CAST: variants seen among roughly 807,000 people sequenced by gnomAD.
CAST encodes MIR583 host.
A neutral mutation model predicts 119.6 loss-of-function variants in CAST; 76 were observed. That is an observed-to-expected ratio of 0.64 (90% CI 0.53 to 0.77). The LOEUF (loss-of-function observed/expected upper bound fraction) is 0.77. Ranked by LOEUF, CAST falls within the 30% of genes least tolerant of loss-of-function variation. The pLI, the probability that CAST is intolerant of heterozygous loss-of-function variation, is 0.00. For missense variants in CAST, 953 were observed against 946.5 expected (o/e 1.01, Z -0.09); for synonymous variants, 319 against 331.6 (o/e 0.96, Z 0.41).
At chr5:96,026,909 C>A in the CAST span, among the ~76,000 whole-genome samples, 105 of 152,236 alleles carry the variant, frequency 6.9e-4, no homozygotes, top group Non-Finnish European at 1.3e-3. Flanking sequence ...TCCTCTTACT[C>A]TTAAATTTGT....
At chr5:96,486,009 G>C in the CAST span, among the ~76,000 whole-genome samples, 1 of 152,100 alleles carries the variant, frequency 6.6e-6, no homozygotes, top group East Asian at 1.9e-4. Flanking sequence ...AGACCACAGC[G>C]GAGTGCCTCT....
chr5:96,049,889 C>CAAAAAAATAAAAAAAAAA, the CAST span, among the ~76,000 whole-genome samples: 1 of 34,188 alleles, frequency 2.9e-5, no homozygotes, highest in East Asian at 1.3e-3. Context: ...GAACAGGAGG[C>CAAAAAAATAAAAAAAAAA]AAAAAAAAAA....
At chr5:96,765,154 C>T (rs1468302715) in intron 25 of CAST, 67 bp from the exon 26 acceptor site, 2 of 890,744 alleles carry the variant, frequency 2.2e-6, no homozygotes, top group Non-Finnish European at 3.7e-6. Flanking sequence ...GATGGAGTTC[C>T]TGGGCTAATT....
chr5:96,648,654 A>G (rs1317666549), intron 1 of CAST, among the ~76,000 whole-genome samples: 2 of 152,200 alleles, frequency 1.3e-5, no homozygotes, highest in Non-Finnish European at 1.5e-5. Context: ...TACAATTGCT[A>G]CATTTATGAG....
At chr5:96,107,092 C>G in the CAST span, among the ~76,000 whole-genome samples, 59 of 148,314 alleles carry the variant, frequency 4.0e-4, no homozygotes, top group Middle Eastern at 6.9e-3. Context: ...CTTCCTCCAT[C>G]CTTTTATTTT....
At chr5:96,714,368 A>G (rs1173565186) in intron 3 of CAST, among the ~76,000 whole-genome samples, 1 of 152,202 alleles carries the variant, frequency 6.6e-6, no homozygotes, top group Non-Finnish European at 1.5e-5. Context: ...AAAGTATAGC[A>G]TATAATATTA....
At chr5:96,618,684 G>GT (rs1561432041) in intron 1 of CAST, among the ~76,000 whole-genome samples, 1 of 152,244 alleles carries the variant, frequency 6.6e-6, no homozygotes, top group Non-Finnish European at 1.5e-5. Flanking sequence ...TCCCCCAGCA[G>GT]TGCCGGCTCA....
At chr5:96,743,882 A>G (rs963992511) in intron 16 of CAST, 6 of 608,548 alleles carry the variant, frequency 9.9e-6, no homozygotes, top group African/African-American at 1.9e-5. Flanking sequence ...CAGGAGGCCA[A>G]GCTGAGTTGT....
At position 96,694,634 on chromosome 5, in the gene CAST, AAAACAAAC is replaced by A. The variant is rs539170383; in HGVS notation, c.139-1186_139-1179del. ...TGACAGAGCGAGACTCCATCTCAAAAAAACAAACAAACAAACAAACAAAAAAACTTTAT... is the reference window on the plus strand; with the variant it reads ...TGACAGAGCGAGACTCCATCTCAAAAAAACAAACAAACAAAAAAACTTTAT... On this transcript the variant is annotated intron_variant, in intron 2 of 31. Transcript: ENST00000675179. Among the ~76,000 whole-genome samples, 165 of 152,276 alleles carry A rather than the reference AAAACAAAC, an allele frequency of 1.1e-3. 1 individual carries two copies. The South Asian group carries it at 0.032, about 30-fold the overall frequency.
chr5:96,013,822 G>T, the CAST span, among the ~76,000 whole-genome samples: 1 of 152,070 alleles, frequency 6.6e-6, no homozygotes, highest in Non-Finnish European at 1.5e-5. Context: ...TATGTATAGG[G>T]CACTTACTAT....
chr5:96,717,005 TA>T (rs894300469), intron 3 of CAST, among the ~76,000 whole-genome samples: 1 of 151,998 alleles, frequency 6.6e-6, no homozygotes, highest in Non-Finnish European at 1.5e-5. Context: ...GATTCCAGCT[TA>T]AAAAAAACTT....
At chr5:95,963,659 A>G in the CAST span, among the ~76,000 whole-genome samples, 1 of 151,906 alleles carries the variant, frequency 6.6e-6, no homozygotes, top group East Asian at 1.9e-4. Flanking sequence ...TTATTCAAAT[A>G]GTTCATCTCT....
chr5:96,619,148 G>C (rs1159259341), intron 1 of CAST, among the ~76,000 whole-genome samples: 1 of 152,088 alleles, frequency 6.6e-6, no homozygotes, highest in Non-Finnish European at 1.5e-5. Context: ...GCACCAATCA[G>C]CACTCTGTGT....
At chr5:96,455,372 A>G in the CAST span, among the ~76,000 whole-genome samples, 1 of 152,248 alleles carries the variant, frequency 6.6e-6, no homozygotes, top group Non-Finnish European at 1.5e-5. Flanking sequence ...AAGCAGAGTG[A>G]CCAACAGGTG....
the CAST span, among the ~76,000 whole-genome samples, chr5:96,109,115 C>T: frequency 3.1e-4 from 47 of 152,196 alleles, no homozygotes; most frequent in African/African-American, 1.1e-3. Flanking sequence ...CTGACCTGCG[C>T]CCACTGTCTG....
At chr5:95,997,962 G>GTTT in the CAST span, among the ~76,000 whole-genome samples, 258 of 111,590 alleles carry the variant, frequency 2.3e-3, 4 homozygotes, top group Middle Eastern at 8.9e-3. Context: ...TTTGAGAGAG[G>GTTT]GTTTTTTTTT....
the CAST span, among the ~76,000 whole-genome samples, chr5:96,315,471 T>C: frequency 6.6e-6 from 1 of 152,136 alleles, no homozygotes; most frequent in South Asian, 2.1e-4. Context: ...ATATGTCAAC[T>C]CAGCAGCATG....
chr5:96,496,826 C>T, the CAST span, among the ~76,000 whole-genome samples: 2 of 151,948 alleles, frequency 1.3e-5, no homozygotes, highest in African/African-American at 2.4e-5. Flanking sequence ...GACCTAGAAA[C>T]ACTGTTTTGC....
At chr5:96,398,986 C>G in the CAST span, 2 of 1,612,774 alleles carry the variant, frequency 1.2e-6, no homozygotes, top group Non-Finnish European at 1.7e-6. Flanking sequence ...TTGTCCTTCA[C>G]AAGCTCTTGT....
Sources: allele counts gnomAD v4.1 joint callset (sites outside exome capture counted in the v4.1 genomes callset), GRCh38; gene constraint gnomAD v4.1.1; transcripts MANE v1.5; gene names NCBI Gene and HGNC (gene_info 2026-07-23, HGNC 2026-07-21).